The following TGM3 variants were observed in gnomAD, a reference collection of about 807,000 sequenced individuals.
The protein encoded by TGM3 is protein-glutamine gamma-glutamyltransferase E.
Under a neutral mutation model 73.8 loss-of-function variants are expected in TGM3, and 52 were observed. The observed-to-expected ratio is 0.70, with a 90% CI of 0.56 to 0.89. The LOEUF (loss-of-function observed/expected upper bound fraction) is 0.89. TGM3 is among the 40% of genes least tolerant of loss of function. The probability of loss-of-function intolerance (pLI) is 0.00; values close to 1 mark genes in which losing one functional copy is unlikely to be tolerated. For missense variants in TGM3, 928 were observed against 909.9 expected (o/e 1.02, Z -0.26); for synonymous variants, 372 against 354.9 (o/e 1.05, Z -0.54).
At chr20:2,315,313 A>G (rs1481987746) in intron 5 of TGM3, among the ~76,000 whole-genome samples, 1 of 152,228 alleles carries the variant, frequency 6.6e-6, no homozygotes, top group Non-Finnish European at 1.5e-5. Context: ...GGAGCTTTGA[A>G]GTGCTCAGCT....
Position 2,328,013 on chromosome 20 carries a change from C to T in TGM3, c.1088-107C>T, listed in dbSNP as rs1242851215. 17 of 1,501,216 alleles carry T rather than the reference C, an allele frequency of 1.1e-5. No homozygotes were observed. The highest frequency in any genetic ancestry group is 9.1e-5 in the East Asian group (4 of 43,976). 93.0% of individuals were successfully genotyped at this position (1,501,216 alleles called of 1,614,324 possible). ...ACAGTCAGGGGTGAAGGAATTTGGGCGGGGCAGAGGCAGGGGGTTGCAGTG... is the reference window on the plus strand; with the variant it reads ...ACAGTCAGGGGTGAAGGAATTTGGGTGGGGCAGAGGCAGGGGGTTGCAGTG... On this transcript the variant is annotated intron_variant, in intron 8 of 12. Transcript: ENST00000381458. The surrounding 1 kb of genome is among the most constrained non-coding windows in gnomAD (Gnocchi z 5.2).
chr20:2,308,737 C>T (rs1345499463), intron 1 of TGM3, among the ~76,000 whole-genome samples: 1 of 152,166 alleles, frequency 6.6e-6, no homozygotes, highest in Non-Finnish European at 1.5e-5. Context: ...ATTGCAAATA[C>T]AGGGAAGGTA....
chr20:2,335,673 G>T (rs1177303631), intron 11 of TGM3, among the ~76,000 whole-genome samples: 3 of 152,190 alleles, frequency 2.0e-5, no homozygotes, highest in Non-Finnish European at 2.9e-5. Flanking sequence ...GCCATGCCAG[G>T]CTTGAGAATC....
intron 1 of TGM3, among the ~76,000 whole-genome samples, chr20:2,297,980 G>A (rs1568619452): frequency 6.6e-6 from 1 of 152,160 alleles, no homozygotes; most frequent in Non-Finnish European, 1.5e-5. Context: ...ACCAACAAGA[G>A]AAGGAGATTA....
At chr20:2,302,024 C>T (rs148818783) in intron 1 of TGM3, among the ~76,000 whole-genome samples, 3 of 152,080 alleles carry the variant, frequency 2.0e-5, no homozygotes, top group African/African-American at 4.8e-5. Flanking sequence ...TCTGTCAGCC[C>T]TCATTAACTC....
chr20:2,310,842 A>G (rs2084199729), intron 3 of TGM3, among the ~76,000 whole-genome samples, 169 bp from the exon 4 acceptor site: 1 of 152,134 alleles, frequency 6.6e-6, no homozygotes, highest in African/African-American at 2.4e-5. Flanking sequence ...TCCAGCTCAT[A>G]GTTCCCACAA....
At chr20:2,322,865 T>C (rs1006337205) in intron 7 of TGM3, among the ~76,000 whole-genome samples, 16 of 152,290 alleles carry the variant, frequency 1.1e-4, no homozygotes, top group African/African-American at 3.6e-4. Context: ...ATTGACATGA[T>C]AGAAAATAAA....
In TGM3 at chr20:2,327,401, C is replaced by G. The variant is rs932366877; in HGVS notation, c.1088-719C>G. On this transcript the variant is annotated intron_variant, in intron 8 of 12. Coordinates refer to ENST00000381458, the MANE Select transcript of TGM3 (RefSeq NM_003245.4). ...CTGAGGCAGGAGAATGGCGTGAACCCGGGAGGCGGAGCTTGCAATGAGTCG... is the reference window on the plus strand; with the variant it reads ...CTGAGGCAGGAGAATGGCGTGAACCGGGGAGGCGGAGCTTGCAATGAGTCG... Among the ~76,000 whole-genome samples, 3 of 152,062 alleles carry G rather than the reference C, an allele frequency of 2.0e-5. 1 individual carries two copies. The highest frequency in any genetic ancestry group is 4.2e-4 in the South Asian group (2 of 4,818).
chr20:2,317,793 A>G (rs1164478421), intron 7 of TGM3, among the ~76,000 whole-genome samples: 2 of 151,952 alleles, frequency 1.3e-5, no homozygotes, highest in Non-Finnish European at 2.9e-5. Flanking sequence ...ACCTTATACT[A>G]CTATAGAATA....
At chr20:2,309,058 T>C (rs1037964301) in intron 1 of TGM3, among the ~76,000 whole-genome samples, 2 of 152,090 alleles carry the variant, frequency 1.3e-5, no homozygotes, top group African/African-American at 4.8e-5. Context: ...TTTGTATTTT[T>C]AGTAGAGATG....
At chr20:2,298,267 G>A (rs1004541442) in intron 1 of TGM3, among the ~76,000 whole-genome samples, 1 of 152,152 alleles carries the variant, frequency 6.6e-6, no homozygotes, top group African/African-American at 2.4e-5. Context: ...GGAAATGAAG[G>A]TAGTGGAGGA....
In TGM3 at chr20:2,334,652, A is replaced by C. The variant is rs2084338452; in HGVS notation, c.1643-464A>C. On this transcript the variant is annotated intron_variant, in intron 10 of 12. Transcript: ENST00000381458. This position sits in a 1 kb window ranked among gnomAD's most constrained non-coding sequence, Gnocchi z 4.0. Reference sequence around the variant, plus strand: ...TTGTATTCTTCCACTGCCCCTCAGAAGGACACTTGTGGCTGGGAGCAGTGC... The same window carrying C: ...TTGTATTCTTCCACTGCCCCTCAGACGGACACTTGTGGCTGGGAGCAGTGC... Among the ~76,000 whole-genome samples the C allele has an allele frequency of 6.6e-6, 1 of 152,166 alleles. No homozygotes were observed. The highest frequency in any genetic ancestry group is 2.1e-4 in the South Asian group (1 of 4,826).
intron 1 of TGM3, among the ~76,000 whole-genome samples, chr20:2,300,261 G>GGAGAA (rs201898813): frequency 2.0e-5 from 3 of 151,328 alleles, no homozygotes; most frequent in Non-Finnish European, 2.9e-5. Context: ...AGAAAAGAGA[G>GGAGAA]GAGAAGAGAA....
At position 2,335,160 on chromosome 20, in the gene TGM3, T is replaced by G; in HGVS notation, c.1687T>G (p.Tyr563Asp). The G allele has an allele frequency of 6.2e-7, 1 of 1,614,232 alleles. No individual in the cohort carries two copies. Among genetic ancestry groups the G allele is most frequent in the Non-Finnish European group, 8.5e-7 (1 of 1,180,034 alleles). ...GATCTCGTACGCTCAGTATGAGAAG[T>G]ACCTGAAGTCAGACAACATGATCCG... ...IKISYAQYEK[Y>D]LKSDNMIRIT... Residue 563 changes from tyrosine to aspartate, a missense_variant, in exon 11 of 13, where the codon TAC becomes GAC. Tyr to Asp is a radical substitution (Grantham distance 160). Coordinates refer to ENST00000381458, the MANE Select transcript of TGM3 (RefSeq NM_003245.4).
intron 7 of TGM3, among the ~76,000 whole-genome samples, chr20:2,319,851 A>C (rs554558638): frequency 6.6e-6 from 1 of 152,318 alleles, no homozygotes; most frequent in East Asian, 1.9e-4. Flanking sequence ...CCTACCACCC[A>C]ATTGCTGTGA....
chr20:2,335,612 G>GCA (rs1205057226), intron 11 of TGM3, among the ~76,000 whole-genome samples: 1 of 152,232 alleles, frequency 6.6e-6, no homozygotes, highest in Non-Finnish European at 1.5e-5. Context: ...CAGCTACTGA[G>GCA]CATTTGCTGT....
chr20:2,317,362 T>C lies in TGM3; in HGVS notation c.860T>C (p.Leu287Ser). Residue 287 changes from leucine (L) to serine (S), a missense_variant, in exon 7 of 13, where the codon TTG becomes TCG. Transcript: ENST00000381458. ...AGTLNTALRSLGIPSRVITNF... is the reference protein window; with the variant it reads ...AGTLNTALRSSGIPSRVITNF... ...CCCTGACTTGCAGCGCTGCGGTCTTTGGGGATTCCTTCCCGGGTGATCACC... is the reference window on the plus strand; with the variant it reads ...CCCTGACTTGCAGCGCTGCGGTCTTCGGGGATTCCTTCCCGGGTGATCACC... The C allele has an allele frequency of 6.2e-7, 1 of 1,614,190 alleles. No individual in the cohort carries two copies. The highest frequency in any genetic ancestry group is 8.5e-7 in the Non-Finnish European group (1 of 1,180,024).
chr20:2,337,595 C>G (rs2084357175), intron 11 of TGM3, among the ~76,000 whole-genome samples: 2 of 152,136 alleles, frequency 1.3e-5, no homozygotes, highest in South Asian at 4.2e-4. Flanking sequence ...TGGCGGGCAC[C>G]TATAATCCCA....
At chr20:2,300,395 G>T (rs2122206033) in intron 1 of TGM3, among the ~76,000 whole-genome samples, 1 of 152,276 alleles carries the variant, frequency 6.6e-6, no homozygotes, top group Non-Finnish European at 1.5e-5. Flanking sequence ...GGGGTTGAGA[G>T]CCTCTGGTCT....
Sources: allele counts gnomAD v4.1 joint callset (sites outside exome capture counted in the v4.1 genomes callset), GRCh38; gene constraint gnomAD v4.1.1; non-coding constraint Gnocchi (gnomAD v3.1); transcripts MANE v1.5; gene names NCBI Gene and HGNC (gene_info 2026-07-23, HGNC 2026-07-21).